The following MCU variants were observed in gnomAD, a reference collection of about 807,000 sequenced individuals.
The protein encoded by MCU is calcium uniporter protein, mitochondrial.
A neutral mutation model predicts 45.2 loss-of-function variants in MCU; 12 were observed. That is an observed-to-expected ratio of 0.27 (90% confidence interval 0.17 to 0.43). The LOEUF (loss-of-function observed/expected upper bound fraction) is 0.43. Ranked by LOEUF, MCU falls within the 20% of genes least tolerant of loss-of-function variation. The pLI is 1.00. For synonymous variants in MCU, 160 were observed against 165.1 expected (o/e 0.97, Z 0.24); for missense variants, 324 against 436.7 (o/e 0.74, Z 2.30).
intron 2 of MCU, among the ~76,000 whole-genome samples, chr10:72,856,978 A>G (rs1489669655): frequency 1.4e-5 from 2 of 146,398 alleles, no homozygotes; most frequent in South Asian, 2.2e-4. Context: ...ATGGGGTCCC[A>G]CTCGGTTGCT....
chr10:72,731,553 T>A (rs1435759532), intron 1 of MCU, among the ~76,000 whole-genome samples: 1 of 152,148 alleles, frequency 6.6e-6, no homozygotes, highest in East Asian at 1.9e-4. Flanking sequence ...CACCAATATC[T>A]GATTCCAGAA....
chr10:72,825,468 T>G (rs1485734406), intron 1 of MCU, among the ~76,000 whole-genome samples: 1 of 152,222 alleles, frequency 6.6e-6, no homozygotes. Flanking sequence ...AACATCCTCT[T>G]GCTCTTCTAC....
intron 1 of MCU, among the ~76,000 whole-genome samples, chr10:72,796,337 G>A (rs1320460538): frequency 3.3e-5 from 5 of 152,030 alleles, no homozygotes; most frequent in African/African-American, 1.2e-4. Context: ...TGCATGGGAG[G>A]CAGAGTCCAG....
chr10:72,859,453 T>A (rs1384477861), intron 3 of MCU, 106 bp downstream of exon 3: 1 of 1,097,974 alleles, frequency 9.1e-7, no homozygotes, highest in Non-Finnish European at 1.3e-6. Context: ...AACCCTATAC[T>A]GTTAACTTCA....
chr10:72,874,546 A>T (rs1180466175), intron 6 of MCU, among the ~76,000 whole-genome samples: 1 of 152,204 alleles, frequency 6.6e-6, no homozygotes, highest in Non-Finnish European at 1.5e-5. Context: ...TGTTTGGGGA[A>T]ATGATAGCAC....
intron 1 of MCU, among the ~76,000 whole-genome samples, chr10:72,780,040 A>G (rs1843965259): frequency 6.6e-6 from 1 of 152,230 alleles, no homozygotes; most frequent in Non-Finnish European, 1.5e-5. Flanking sequence ...AATATCTGTC[A>G]TCTGATGAAT....
At chr10:72,842,964 G>A (rs1257450599) in intron 2 of MCU, among the ~76,000 whole-genome samples, 2 of 151,776 alleles carry the variant, frequency 1.3e-5, no homozygotes, top group African/African-American at 4.8e-5. Flanking sequence ...AGCTTTATCA[G>A]ATTCTCAGAG....
intron 1 of MCU, among the ~76,000 whole-genome samples, chr10:72,703,053 G>A (rs1166261804): frequency 1.3e-5 from 2 of 152,082 alleles, no homozygotes; most frequent in African/African-American, 4.8e-5. Context: ...AGCATTCTGG[G>A]CAGCACCAAT....
chr10:72,857,507 GGATTACAGGCAT>G (rs1845311757), intron 2 of MCU, among the ~76,000 whole-genome samples: 1 of 151,966 alleles, frequency 6.6e-6, no homozygotes, highest in Admixed American at 6.6e-5. Context: ...CAAAGTGCTG[GGATTACAGGCAT>G]GAGCCACCAT....
At chr10:72,852,320 C>T (rs971718911) in intron 2 of MCU, among the ~76,000 whole-genome samples, 9 of 152,174 alleles carry the variant, frequency 5.9e-5, no homozygotes, top group African/African-American at 2.2e-4. Context: ...ATATTCAATT[C>T]AAATTACTAT....
At chr10:72,871,612 G>C (rs533292074) in intron 6 of MCU, 32 bp downstream of exon 6, 1 of 1,563,652 alleles carries the variant, frequency 6.4e-7, no homozygotes, top group South Asian at 1.1e-5. Context: ...CTTTTTATGA[G>C]ATAGTAATAA....
chr10:72,740,827 CAG>C (rs1273633459), intron 1 of MCU, among the ~76,000 whole-genome samples: 2 of 152,152 alleles, frequency 1.3e-5, no homozygotes, highest in African/African-American at 4.8e-5. Flanking sequence ...CCAATTGTGA[CAG>C]AGGGGAGATG....
At chr10:72,760,007 C>G (rs780781815) in intron 1 of MCU, among the ~76,000 whole-genome samples, 79 of 151,860 alleles carry the variant, frequency 5.2e-4, no homozygotes, top group Non-Finnish European at 1.8e-4. Flanking sequence ...GACTGAGATA[C>G]TCCTGATGCT....
chr10:72,734,670 G>T (rs555127007), intron 1 of MCU, among the ~76,000 whole-genome samples: 115 of 152,054 alleles, frequency 7.6e-4, no homozygotes, highest in Non-Finnish European at 1.2e-3. Flanking sequence ...CTGGAGCTTG[G>T]TGGCCTGATC....
At chr10:72,723,466 C>CGT (rs1843051604) in intron 1 of MCU, among the ~76,000 whole-genome samples, 1 of 151,984 alleles carries the variant, frequency 6.6e-6, no homozygotes, top group South Asian at 2.1e-4. Flanking sequence ...TCAGAGACAA[C>CGT]CATTGTTAAC....
At chr10:72,804,171 C>T (rs1218551526) in intron 1 of MCU, among the ~76,000 whole-genome samples, 2 of 149,160 alleles carry the variant, frequency 1.3e-5, no homozygotes, top group African/African-American at 2.5e-5. Context: ...ACTGCAACCT[C>T]CACCTCCTGG....
intron 4 of MCU, among the ~76,000 whole-genome samples, chr10:72,868,275 A>C (rs1165166745): frequency 6.6e-6 from 1 of 152,152 alleles, no homozygotes; most frequent in African/African-American, 2.4e-5. Flanking sequence ...TTGGCTGGGC[A>C]TGGTGGCTAA....
At chr10:72,701,867 C>G (rs1842762507) in intron 1 of MCU, among the ~76,000 whole-genome samples, 1 of 152,000 alleles carries the variant, frequency 6.6e-6, no homozygotes, top group African/African-American at 2.4e-5. Context: ...TTTCCTCACC[C>G]TCCCCTCCCG....
chr10:72,785,085 A>G (rs1247598235), intron 1 of MCU, among the ~76,000 whole-genome samples: 1 of 152,132 alleles, frequency 6.6e-6, no homozygotes, highest in Non-Finnish European at 1.5e-5. Context: ...CTAGATATTT[A>G]GCATACAGAT....
Sources: gnomAD v4.1 joint callset for allele counts (sites outside exome capture counted in the v4.1 genomes callset) on GRCh38, gnomAD v4.1.1 for gene constraint, MANE v1.5 for transcripts, NCBI Gene and HGNC (gene_info 2026-07-23, HGNC 2026-07-21) for gene names.